The following COL6A6 variants were observed in gnomAD, a reference collection of about 807,000 sequenced individuals.
The protein encoded by COL6A6 is collagen alpha-6(VI) chain.
Under a neutral mutation model 208.6 loss-of-function variants are expected in COL6A6, and 183 were observed. The ratio of observed to expected loss-of-function variants is 0.88; its 90% confidence interval spans 0.78 to 0.99. The LOEUF (loss-of-function observed/expected upper bound fraction) is 0.99. Ranked by LOEUF, COL6A6 falls within the 50% of genes least tolerant of loss-of-function variation. The probability of loss-of-function intolerance (pLI) is 0.00; values close to 1 mark genes in which losing one functional copy is unlikely to be tolerated. For synonymous variants in COL6A6, 973 were observed against 1,011.8 expected (o/e 0.96, Z 0.73); for missense variants, 2,816 against 2,815.2 (o/e 1.00, Z -0.01).
intron 1 of COL6A6, among the ~76,000 whole-genome samples, chr3:130,544,489 A>C (rs1317480242): frequency 2.0e-5 from 3 of 152,220 alleles, no homozygotes; most frequent in Non-Finnish European, 4.4e-5. Context: ...TGCAATGAAC[A>C]AAGGAGTGCA....
chr3:130,604,586 G>A (rs2064128540), intron 20 of COL6A6, among the ~76,000 whole-genome samples: 3 of 152,162 alleles, frequency 2.0e-5, no homozygotes, highest in Admixed American at 2.0e-4. Context: ...GTGAATGGTG[G>A]ATTAAAGTCT....
At chr3:130,558,730 T>C (rs2062818951) in intron 1 of COL6A6, among the ~76,000 whole-genome samples, 1 of 152,132 alleles carries the variant, frequency 6.6e-6, no homozygotes, top group Non-Finnish European at 1.5e-5. Context: ...AAGCTCATAA[T>C]ATAAACAGAA....
intron 22 of COL6A6, among the ~76,000 whole-genome samples, chr3:130,609,627 C>T (rs1181712210): frequency 6.6e-6 from 1 of 152,022 alleles, no homozygotes; most frequent in Non-Finnish European, 1.5e-5. Flanking sequence ...AAAGGTCAGA[C>T]CACAAAAAAG....
At chr3:130,537,103 C>T (rs74980472) in intron 1 of COL6A6, among the ~76,000 whole-genome samples, 1,900 of 152,302 alleles carry the variant, frequency 0.012, 32 homozygotes, top group African/African-American at 0.043. Context: ...TCATATTCAA[C>T]TGTGCATTAT....
chr3:130,520,081 A>G (rs761860626), intron 1 of COL6A6, among the ~76,000 whole-genome samples: 1 of 152,142 alleles, frequency 6.6e-6, no homozygotes, highest in Non-Finnish European at 1.5e-5. Flanking sequence ...CTTTTACTAC[A>G]AATTTCTTCA....
At chr3:130,521,946 T>C (rs1711097025) in intron 1 of COL6A6, among the ~76,000 whole-genome samples, 1 of 152,182 alleles carries the variant, frequency 6.6e-6, no homozygotes, top group Non-Finnish European at 1.5e-5. Context: ...CCCTTCTCTG[T>C]CTCACTTCTC....
chr3:130,543,304 T>C (rs140096508), intron 1 of COL6A6, among the ~76,000 whole-genome samples: 1 of 152,364 alleles, frequency 6.6e-6, no homozygotes, highest in African/African-American at 2.4e-5. Flanking sequence ...ACAAACTGTC[T>C]TTTAATTGGG....
In COL6A6 at chr3:130,598,402, C is replaced by T; in HGVS notation, c.4571C>T (p.Thr1524Ile). The T allele has an allele frequency of 6.4e-7, 1 of 1,552,442 alleles. No homozygotes were observed. Residue 1524 changes from threonine (T) to isoleucine (I), a missense_variant, in exon 19 of 37, where the codon ACA becomes ATA. Physicochemically the swap from Thr to Ile is moderately conservative, Grantham distance 89. Coordinates refer to ENST00000358511, the MANE Select transcript of COL6A6 (RefSeq NM_001102608.3). ...GTTGACAGTAGCATAGAAGGACCCA[C>T]AGGCTTGAAAGGAGAACGTGGAAGA... ...PGVDSSIEGP[T>I]GLKGERGRQG...
chr3:130,623,560 G>A (rs1012443402), intron 24 of COL6A6, among the ~76,000 whole-genome samples: 8 of 151,202 alleles, frequency 5.3e-5, no homozygotes, highest in Non-Finnish European at 7.3e-5. Flanking sequence ...GACTTAACGG[G>A]GTGAGGACTT....
chr3:130,624,647 G>A (rs755962028), intron 24 of COL6A6, among the ~76,000 whole-genome samples: 1 of 152,232 alleles, frequency 6.6e-6, no homozygotes, highest in Non-Finnish European at 1.5e-5. Flanking sequence ...GGACCCTAGA[G>A]TTGGATAGAG....
At position 130,568,274 on chromosome 3, in the gene COL6A6, C is replaced by A. The variant is rs915186077; in HGVS notation, c.2071C>A (p.Gln691Lys). 6 of 1,613,838 alleles carry A rather than the reference C, an allele frequency of 3.7e-6. No homozygotes were observed. Among genetic ancestry groups the A allele is most frequent in the Non-Finnish European group, 5.1e-6 (6 of 1,179,896 alleles). The change falls in exon 6 of 37, where the codon CAA (glutamine) becomes AAA (lysine). Residue 691 changes from glutamine to lysine, a missense_variant. Physicochemically the swap from Gln to Lys is moderately conservative, Grantham distance 53. Transcript: ENST00000358511. ...SQSDISNAID[Q>K]MAHIGQTTLT... ...AAGCGACATTTCAAATGCAATAGACCAAATGGCTCACATTGGACAAACCAC... is the reference window on the plus strand; with the variant it reads ...AAGCGACATTTCAAATGCAATAGACAAAATGGCTCACATTGGACAAACCAC...
rs769535987 is a variant in COL6A6 at position 130,563,671 on chromosome 3, T to C, written c.661+7T>C. 6.4e-7 allele frequency: 1 copy of C among 1,566,296 alleles called. No individual in the cohort carries two copies. The highest frequency in any genetic ancestry group is 8.8e-7 in the Non-Finnish European group (1 of 1,138,840). ...GATGACATCTTTGTAGAAGGTGGGC[T>C]TAGGATATGTGTATAGGAATGATGA... On this transcript the variant is annotated splice_region_variant and intron_variant, in intron 3 of 36. Transcript: ENST00000358511.
intron 32 of COL6A6, among the ~76,000 whole-genome samples, chr3:130,648,323 T>C (rs990084360): frequency 1.3e-5 from 2 of 152,368 alleles, no homozygotes; most frequent in African/African-American, 2.4e-5. Flanking sequence ...AAGTCTGGAA[T>C]GATAATTATA....
chr3:130,557,336 T>C (rs1409499776), intron 1 of COL6A6, among the ~76,000 whole-genome samples: 1 of 152,372 alleles, frequency 6.6e-6, no homozygotes, highest in African/African-American at 2.4e-5. Context: ...GCTTTTGTTT[T>C]GTTTTTCTCA....
rs748596211 is a variant in COL6A6, at chr3:130,607,015, T to C, written c.4689+49T>C. On this transcript the variant is annotated intron_variant, in intron 21 of 36. Transcript: ENST00000358511. ...TCCAAATAACAAATACTGCATCCAATCAGGGAGCTGGAATAAAGTCTCTGT... is the reference window on the plus strand; with the variant it reads ...TCCAAATAACAAATACTGCATCCAACCAGGGAGCTGGAATAAAGTCTCTGT... The C allele has an allele frequency of 7.7e-6, 11 of 1,424,890 alleles. No homozygotes were observed. In the South Asian group the frequency reaches 1.4e-4, roughly 18 times the overall value. The allele number at this position is 1,424,890 out of a possible 1,614,324, so 88.3% of individuals were successfully genotyped here.
chr3:130,586,801 G>A (rs1474919421), intron 11 of COL6A6, 141 bp downstream of exon 11: 1 of 734,754 alleles, frequency 1.4e-6, no homozygotes, highest in African/African-American at 1.8e-5. Context: ...AACAGCCTAA[G>A]TAAGAGGGTT....
At chr3:130,659,847 G>A (rs2065894810) in intron 34 of COL6A6, among the ~76,000 whole-genome samples, 1 of 152,196 alleles carries the variant, frequency 6.6e-6, no homozygotes, top group South Asian at 2.1e-4. Context: ...GTAATTCTGA[G>A]GGAGAAGTAG....
At chr3:130,526,527 C>G in intron 1 of COL6A6, among the ~76,000 whole-genome samples, 1 of 152,134 alleles carries the variant, frequency 6.6e-6, no homozygotes, top group East Asian at 1.9e-4. Context: ...AAAGATCCCT[C>G]TGATTGCTGT....
chr3:130,543,327 T>C (rs142324558), intron 1 of COL6A6, among the ~76,000 whole-genome samples: 74 of 152,382 alleles, frequency 4.9e-4, no homozygotes, highest in Non-Finnish European at 9.3e-4. Context: ...ATTTAGACCA[T>C]TGACATTCAA....
Sources: allele counts gnomAD v4.1 joint callset (sites outside exome capture counted in the v4.1 genomes callset), GRCh38; gene constraint gnomAD v4.1.1; transcripts MANE v1.5; gene names NCBI Gene and HGNC (gene_info 2026-07-23, HGNC 2026-07-21).